The following ERC1 variants were observed in gnomAD, a reference collection of about 807,000 sequenced individuals.
ERC1 encodes ELKS/RAB6-interacting/CAST family member 1.
ERC1 carries 56 observed loss-of-function variants against 132.0 expected under a neutral mutation model. That is an observed-to-expected ratio of 0.42 (90% CI 0.34 to 0.53). The LOEUF is 0.53. Ranked by LOEUF, ERC1 falls within the 20% of genes least tolerant of loss-of-function variation. ERC1 has a pLI of 0.03. For missense variants in ERC1, 1,202 were observed against 1,349.9 expected (o/e 0.89, Z 1.72); for synonymous variants, 478 against 476.1 (o/e 1.00, Z -0.05).
chr12:1,142,670 A>G (rs1949962943), intron 8 of ERC1, among the ~76,000 whole-genome samples: 1 of 152,164 alleles, frequency 6.6e-6, no homozygotes, highest in South Asian at 2.1e-4. Context: ...CTTTTTGGCA[A>G]TCTGATAGGT....
At chr12:1,139,834 C>CT (rs1949704682) in intron 7 of ERC1, among the ~76,000 whole-genome samples, 1 of 151,242 alleles carries the variant, frequency 6.6e-6, no homozygotes, top group East Asian at 1.9e-4. Flanking sequence ...AGAGGTCATG[C>CT]TATGGACAAA....
chr12:1,121,763 A>ATCTATC lies in ERC1; in HGVS notation c.1569+5744_1569+5749dup, dbSNP rs1344399206. Among the ~76,000 whole-genome samples, 13 of 5,386 alleles carry ATCTATC rather than the reference A, an allele frequency of 2.4e-3. 3 individuals carry two copies. Among genetic ancestry groups the ATCTATC allele is most frequent in the African/African-American group, 4.0e-3 (12 of 3,030 alleles). The allele number at this position is 5,386 out of a possible 152,430, so 3.5% of individuals were successfully genotyped here. On this transcript the variant is annotated intron_variant, in intron 7 of 18. Coordinates refer to ENST00000360905, the MANE Select transcript of ERC1 (RefSeq NM_178040.4). ...TCTATCTATCTCTATCTCTATCTCT[A>ATCTATC]TCTATCTCTATCTCTATCTATCTCT... is the stretch of plus-strand genomic sequence containing the variant.
At chr12:1,030,775 A>G (rs1967873999) in intron 2 of ERC1, among the ~76,000 whole-genome samples, 1 of 152,158 alleles carries the variant, frequency 6.6e-6, no homozygotes, top group South Asian at 2.1e-4. Flanking sequence ...TATCTTTTCT[A>G]TGCTTAGATG....
intron 13 of ERC1, 50 bp downstream of exon 13, chr12:1,236,954 G>T (rs200799274): frequency 6.8e-5 from 109 of 1,591,414 alleles, no homozygotes; most frequent in Non-Finnish European, 2.6e-5. Context: ...CATTTGATCC[G>T]TAATCGCATG....
chr12:1,244,491 C>T (rs1479824598), intron 13 of ERC1: 1 of 428,006 alleles, frequency 2.3e-6, no homozygotes, highest in East Asian at 7.2e-5. Flanking sequence ...GTGTTTTGTA[C>T]TTAATGGTTT....
chr12:1,396,223 C>G (rs931548893), intron 16 of ERC1, among the ~76,000 whole-genome samples: 9 of 152,094 alleles, frequency 5.9e-5, no homozygotes, highest in Non-Finnish European at 1.3e-4. Context: ...TGATTGGTAA[C>G]TATATATCTA....
chr12:1,132,899 A>G (rs6489261), intron 7 of ERC1, among the ~76,000 whole-genome samples: 141,188 of 151,338 alleles, frequency 0.93, 66,630 homozygotes, highest in East Asian at 1. Flanking sequence ...CTTGTCACCC[A>G]GGCTGGAGTG....
intron 13 of ERC1, among the ~76,000 whole-genome samples, chr12:1,256,832 G>A (rs2076849100): frequency 6.6e-6 from 1 of 150,674 alleles, no homozygotes; most frequent in Admixed American, 6.6e-5. Flanking sequence ...ACCAACAGCT[G>A]TGTTTTTATA....
intron 16 of ERC1, among the ~76,000 whole-genome samples, chr12:1,394,214 C>G (rs894624912): frequency 1.3e-5 from 2 of 151,102 alleles, no homozygotes; most frequent in African/African-American, 4.9e-5. Flanking sequence ...TCCTGGCTAA[C>G]ACGGTGAAAC....
chr12:1,414,118 C>G (rs1464335569), intron 17 of ERC1, among the ~76,000 whole-genome samples: 2 of 152,194 alleles, frequency 1.3e-5, no homozygotes, highest in Non-Finnish European at 2.9e-5. Flanking sequence ...CTGTAATGCT[C>G]GCTTGCCCGC....
At chr12:1,331,089 T>C (rs926542887) in intron 15 of ERC1, among the ~76,000 whole-genome samples, 16 of 152,214 alleles carry the variant, frequency 1.1e-4, no homozygotes, top group Admixed American at 2.6e-4. Flanking sequence ...TCTGAAAAAT[T>C]TATGTAACCT....
intron 15 of ERC1, among the ~76,000 whole-genome samples, chr12:1,359,087 A>G (rs2085819484): frequency 1.3e-5 from 2 of 152,150 alleles, no homozygotes; most frequent in African/African-American, 4.8e-5. Context: ...CATTAGTACT[A>G]TATTGGAGCC....
chr12:1,488,867 C>T (rs1425939063), intron 18 of ERC1, among the ~76,000 whole-genome samples: 2 of 152,186 alleles, frequency 1.3e-5, no homozygotes, highest in Non-Finnish European at 2.9e-5. Flanking sequence ...CTGTGTGTTC[C>T]TTTCCACGTC....
At chr12:1,403,913 G>C (rs1280482826) in intron 16 of ERC1, among the ~76,000 whole-genome samples, 1 of 152,210 alleles carries the variant, frequency 6.6e-6, no homozygotes, top group Non-Finnish European at 1.5e-5. Context: ...ACATGATACA[G>C]ATGTTTCGCT....
intron 18 of ERC1, among the ~76,000 whole-genome samples, chr12:1,470,800 T>C (rs1182671633): frequency 2.0e-5 from 3 of 152,254 alleles, no homozygotes; most frequent in African/African-American, 7.2e-5. Flanking sequence ...ATCTTTGGCC[T>C]GATAAAGACT....
At chr12:1,067,368 C>T (rs74845762) in intron 2 of ERC1, among the ~76,000 whole-genome samples, 1 of 152,094 alleles carries the variant, frequency 6.6e-6, no homozygotes, top group African/African-American at 2.4e-5. Flanking sequence ...ACTTTGTAAT[C>T]ATAACACAAA....
At chr12:1,013,831 A>G (rs1412453546) in intron 1 of ERC1, among the ~76,000 whole-genome samples, 1 of 152,142 alleles carries the variant, frequency 6.6e-6, no homozygotes, top group East Asian at 1.9e-4. Context: ...TCCTGGGCTC[A>G]AGCTGTCTTA....
rs559451818 is a variant in ERC1 at position 1,248,861 on chromosome 12, T to C, written c.2487+11957T>C. On this transcript the variant is annotated intron_variant, in intron 13 of 18. Transcript: ENST00000360905. ...ATTCTGGTAAGGGCTCTGTGAGAAT[T>C]GAGGAGAGAGGTTTTTATTTATATT... Among the ~76,000 whole-genome samples, 17 of 152,232 alleles carry C rather than the reference T, an allele frequency of 1.1e-4. No homozygotes were observed. The South Asian group carries it at 3.1e-3, about 28-fold the overall frequency.
intron 16 of ERC1, among the ~76,000 whole-genome samples, chr12:1,398,440 T>A (rs2090728906): frequency 6.6e-6 from 1 of 152,226 alleles, no homozygotes; most frequent in Non-Finnish European, 1.5e-5. Context: ...AAATATAAAG[T>A]ATAAAATCAA....
Sources: allele counts gnomAD v4.1 joint callset (sites outside exome capture counted in the v4.1 genomes callset), GRCh38; gene constraint gnomAD v4.1.1; transcripts MANE v1.5; gene names NCBI Gene and HGNC (gene_info 2026-07-23, HGNC 2026-07-21).